The following PHACTR1 variants were observed in gnomAD, a reference collection of about 807,000 sequenced individuals.
PHACTR1 encodes RPEL repeat containing 1.
PHACTR1 carries 16 observed loss-of-function variants against 69.2 expected under a neutral mutation model. The observed-to-expected ratio is 0.23, with a 90% CI of 0.16 to 0.35. The LOEUF (loss-of-function observed/expected upper bound fraction) is 0.35. PHACTR1 is among the 10% of genes least tolerant of loss of function. PHACTR1 has a pLI of 1.00. For synonymous variants in PHACTR1, 312 were observed against 284.5 expected, an observed-to-expected ratio of 1.10 and a Z score of -0.97; for missense variants, 510 against 734.7, an observed-to-expected ratio of 0.69 and a Z score of 3.54.
intron 4 of PHACTR1, among the ~76,000 whole-genome samples, chr6:13,010,189 G>A (rs372755759): frequency 6.4e-4 from 97 of 152,148 alleles, no homozygotes; most frequent in African/African-American, 2.2e-3. Context: ...GTGCAATGGC[G>A]TGATCTCGGC....
Position 13,187,823 on chromosome 6 carries a change from G to GAAATATGT in PHACTR1, c.664+5137_664+5138insAAATATGT, listed in dbSNP as rs1330322862. On this transcript the variant is annotated intron_variant, in intron 7 of 14. Coordinates refer to ENST00000332995, the MANE Select transcript of PHACTR1 (RefSeq NM_030948.6). ...CAGTCATTGAAATATGAGCTAACAAGCATCTGACTGATATCAGTGAGAAGA... is the reference window on the plus strand; with the variant it reads ...CAGTCATTGAAATATGAGCTAACAAGAAATATGTCATCTGACTGATATCAGTGAGAAGA... Among the ~76,000 whole-genome samples the GAAATATGT allele has an allele frequency of 4.7e-3, 714 of 152,342 alleles. 4 individuals carry two copies. The highest frequency in any genetic ancestry group is 0.017 in the African/African-American group (686 of 41,566).
chr6:12,864,496 C>A (rs993147110), intron 4 of PHACTR1, among the ~76,000 whole-genome samples: 6 of 152,066 alleles, frequency 3.9e-5, no homozygotes, highest in Non-Finnish European at 7.4e-5. Context: ...CTGGCTAACA[C>A]GCTGAAACCC....
At chr6:13,134,436 G>T (rs868040272) in intron 5 of PHACTR1, among the ~76,000 whole-genome samples, 3 of 152,206 alleles carry the variant, frequency 2.0e-5, no homozygotes. Flanking sequence ...ACTCCATTTT[G>T]TTCTGTACTA....
At chr6:12,911,114 G>A (rs1468285195) in intron 4 of PHACTR1, among the ~76,000 whole-genome samples, 1 of 152,212 alleles carries the variant, frequency 6.6e-6, no homozygotes, top group Non-Finnish European at 1.5e-5. Flanking sequence ...ACTTAACAAA[G>A]CTGTGCAAAA....
intron 7 of PHACTR1, among the ~76,000 whole-genome samples, chr6:13,195,779 A>AAAAAAAT (rs201554952): frequency 8.4e-6 from 1 of 118,556 alleles, no homozygotes; most frequent in Non-Finnish European, 1.8e-5. Flanking sequence ...AAAAAAAAAA[A>AAAAAAAT]AGTTCATTTG....
At chr6:13,249,797 C>CAAAAA (rs5874406) in intron 10 of PHACTR1, among the ~76,000 whole-genome samples, 1 of 79,888 alleles carries the variant, frequency 1.3e-5, no homozygotes, top group Non-Finnish European at 2.8e-5. Context: ...AACTCCGTCT[C>CAAAAA]AAAAAAAAAA....
intron 4 of PHACTR1, among the ~76,000 whole-genome samples, chr6:12,777,436 T>G (rs2026456): frequency 0.98 from 149,080 of 151,578 alleles, 73,363 homozygotes; most frequent in Middle Eastern, 1. Context: ...CTTTCTTTGT[T>G]TCCAGGTGTA....
Position 12,758,958 on chromosome 6 carries a change from A to C in PHACTR1, c.250+9168A>C, listed in dbSNP as rs535844108. Among the ~76,000 whole-genome samples, 3 of 152,052 alleles carry C rather than the reference A, an allele frequency of 2.0e-5. No individual in the cohort carries two copies. The South Asian group carries it at 6.2e-4, about 32-fold the overall frequency. On this transcript the variant is annotated intron_variant, in intron 4 of 14. Coordinates refer to ENST00000332995, the MANE Select transcript of PHACTR1 (RefSeq NM_030948.6). The stretch of plus-strand genomic sequence containing the variant: ...GCCAACATGGTGAAACCCTGTCTCT[A>C]CTGAAAATTCAAAAAATTAGCCAGG...
At chr6:12,751,254 TGCC>T (rs1404480341) in intron 4 of PHACTR1, among the ~76,000 whole-genome samples, 1 of 152,228 alleles carries the variant, frequency 6.6e-6, no homozygotes, top group Non-Finnish European at 1.5e-5. Context: ...CTTAAATGTT[TGCC>T]TCTGACTTTG....
chr6:13,167,363 T>A (rs1353674112), intron 6 of PHACTR1, among the ~76,000 whole-genome samples: 1 of 152,250 alleles, frequency 6.6e-6, no homozygotes, highest in Non-Finnish European at 1.5e-5. Context: ...ACTCACTTTG[T>A]ATGGTATGGG....
At chr6:13,258,405 GATTTAAT>G (rs1473593339) in intron 10 of PHACTR1, among the ~76,000 whole-genome samples, 1 of 151,500 alleles carries the variant, frequency 6.6e-6, no homozygotes, top group African/African-American at 2.4e-5. Flanking sequence ...CATACATTCT[GATTTAAT>G]TGGTTAAGAA....
intron 4 of PHACTR1, among the ~76,000 whole-genome samples, chr6:12,859,635 G>A (rs1028231237): frequency 6.6e-6 from 1 of 152,160 alleles, no homozygotes; most frequent in African/African-American, 2.4e-5. Context: ...CACATCTCAA[G>A]AACCGTGTGT....
chr6:12,822,903 C>T (rs773039301), intron 4 of PHACTR1, among the ~76,000 whole-genome samples: 10 of 152,108 alleles, frequency 6.6e-5, no homozygotes, highest in African/African-American at 1.2e-4. Context: ...CGGACAATGC[C>T]GTTTGATTTT....
chr6:12,997,934 C>T (rs2127617759), intron 4 of PHACTR1, among the ~76,000 whole-genome samples: 1 of 152,154 alleles, frequency 6.6e-6, no homozygotes, highest in South Asian at 2.1e-4. Context: ...GCCTGGGCGA[C>T]AGAGCCAGAC....
At chr6:12,831,087 C>T (rs1170768343) in intron 4 of PHACTR1, among the ~76,000 whole-genome samples, 1 of 152,054 alleles carries the variant, frequency 6.6e-6, no homozygotes, top group Non-Finnish European at 1.5e-5. Context: ...AAAGAACTAT[C>T]GTATTTGAGC....
At chr6:12,741,137 A>T (rs895900106) in intron 3 of PHACTR1, among the ~76,000 whole-genome samples, 1 of 152,046 alleles carries the variant, frequency 6.6e-6, no homozygotes. Flanking sequence ...CATTTAGTGC[A>T]ATAAATGTCC....
rs148597913 is a variant in PHACTR1 at position 13,209,093 on chromosome 6, C to T, written c.986+2957C>T. Among the ~76,000 whole-genome samples, 1,162 of 152,274 alleles carry T rather than the reference C, an allele frequency of 7.6e-3. 18 individuals carry two copies. The highest frequency in any genetic ancestry group is 0.026 in the African/African-American group (1,094 of 41,552). On this transcript the variant is annotated intron_variant, in intron 8 of 14. Transcript: ENST00000332995. ...GCCACCCCAGAGAAAGAGAGGCCCT[C>T]TTCCCAAACAAAGACCATCCCAGAG...
chr6:13,272,605 G>A, intron 10 of PHACTR1: 2 of 1,053,394 alleles, frequency 1.9e-6, no homozygotes, highest in Non-Finnish European at 1.3e-6. Context: ...GCCACTGGAG[G>A]AGATGGGGCT....
At chr6:13,121,775 C>T (rs180946617) in intron 5 of PHACTR1, among the ~76,000 whole-genome samples, 86 of 152,188 alleles carry the variant, frequency 5.7e-4, no homozygotes, top group Admixed American at 2.9e-3. Context: ...GACAGGGCCT[C>T]GCCCAGGGCT....
Sources: allele counts gnomAD v4.1 joint callset (sites outside exome capture counted in the v4.1 genomes callset), GRCh38; gene constraint gnomAD v4.1.1; transcripts MANE v1.5; gene names NCBI Gene and HGNC (gene_info 2026-07-23, HGNC 2026-07-21).